OSBPL5: variants seen among roughly 807,000 people sequenced by gnomAD.
The protein encoded by OSBPL5 is oxysterol-binding protein-related protein 5.
A neutral mutation model predicts 111.2 loss-of-function variants in OSBPL5; 71 were observed. The observed-to-expected ratio is 0.64, with a 90% CI of 0.53 to 0.78. The LOEUF (loss-of-function observed/expected upper bound fraction) is 0.78. Among genes scored for constraint, OSBPL5 ranks in the 30% least tolerant of loss-of-function variants. The pLI is 0.00. For synonymous variants in OSBPL5, 549 were observed against 513.9 expected, an observed-to-expected ratio of 1.07 and a Z score of -0.93; for missense variants, 1,210 against 1,189.3, an observed-to-expected ratio of 1.02 and a Z score of -0.26.
chr11:3,108,168 T>C (rs748406851), intron 7 of OSBPL5, among the ~76,000 whole-genome samples: 7 of 152,018 alleles, frequency 4.6e-5, no homozygotes, highest in Non-Finnish European at 5.9e-5. Flanking sequence ...CCCCTGAGGA[T>C]TGAGGACTTC....
intron 1 of OSBPL5, among the ~76,000 whole-genome samples, chr11:3,143,629 C>T (rs543717124): frequency 3.9e-5 from 6 of 152,384 alleles, no homozygotes; most frequent in East Asian, 1.9e-4. Flanking sequence ...TCCGCTTCCA[C>T]GCCCACGCAG....
chr11:3,147,506 G>A (rs1023399801), intron 1 of OSBPL5, among the ~76,000 whole-genome samples: 5 of 152,242 alleles, frequency 3.3e-5, no homozygotes, highest in African/African-American at 7.2e-5. Flanking sequence ...ACATAGCCCC[G>A]TGCAGGCCCA....
At chr11:3,152,574 C>A (rs1846623838) in intron 1 of OSBPL5, among the ~76,000 whole-genome samples, 1 of 152,156 alleles carries the variant, frequency 6.6e-6, no homozygotes, top group African/African-American at 2.4e-5. Context: ...GCAGCGGGGG[C>A]CTGCAGGATT....
chr11:3,097,021 G>GAGGAGAAGAGGAAAGAGGGGGAAGGT (rs1564824559), intron 14 of OSBPL5, among the ~76,000 whole-genome samples: 120 of 10,340 alleles, frequency 0.012, no homozygotes, highest in Non-Finnish European at 0.014. Context: ...AAGACGGGAG[G>GAGGAGAAGAGGAAAGAGGGGGAAGGT]GGGAGGAGAG....
Position 3,149,592 on chromosome 11 carries a change from G to A in OSBPL5, c.-22+15624C>T, listed in dbSNP as rs375866700. ...CAGGCAGCAGCAGCAGCAGGTGCCC[G>A]CTGCAGCCTTGCCCAGGCTCTTTTG... On this transcript the variant is annotated intron_variant, in intron 1 of 21. Coordinates refer to ENST00000263650, the MANE Select transcript of OSBPL5 (RefSeq NM_020896.4). Among the ~76,000 whole-genome samples the A allele has an allele frequency of 2.6e-4, 40 of 152,342 alleles. No homozygotes were observed. The East Asian group carries it at 6.0e-3, about 23-fold the overall frequency.
chr11:3,097,737 T>G (rs947501752), intron 14 of OSBPL5, among the ~76,000 whole-genome samples: 1 of 152,122 alleles, frequency 6.6e-6, no homozygotes, highest in Admixed American at 6.6e-5. Flanking sequence ...GAGAAAGGAT[T>G]GGAAACATGA....
intron 20 of OSBPL5, among the ~76,000 whole-genome samples, chr11:3,090,300 C>T (rs1857011806): frequency 6.6e-6 from 1 of 152,230 alleles, no homozygotes; most frequent in Non-Finnish European, 1.5e-5. Context: ...CTGCCCCTCC[C>T]ACCGCTGGGG....
intron 15 of OSBPL5, 71 bp downstream of exon 15, chr11:3,094,166 A>T: frequency 1.4e-6 from 2 of 1,417,812 alleles, no homozygotes; most frequent in Non-Finnish European, 2.0e-6. Context: ...GCCTGGGGAG[A>T]GTGTGAGGGG....
chr11:3,159,083 G>T (rs549767884), intron 1 of OSBPL5, among the ~76,000 whole-genome samples: 2 of 152,302 alleles, frequency 1.3e-5, no homozygotes, highest in African/African-American at 4.8e-5. Flanking sequence ...CAGATGCTGT[G>T]AGCCCTCGGG....
intron 1 of OSBPL5, among the ~76,000 whole-genome samples, chr11:3,163,180 G>A (rs965906470): frequency 6.6e-6 from 1 of 152,242 alleles, no homozygotes; most frequent in Non-Finnish European, 1.5e-5. Flanking sequence ...TTTCTCAGCT[G>A]CGGTCACAGG....
Position 3,161,213 on chromosome 11 carries a change from G to C in OSBPL5, c.-22+4003C>G, listed in dbSNP as rs1270943433. ...AACTTTCCCCTTCATCCTTGTCTTCGTGTCAGCAGGGTGAGAGGGGATCTA... is the reference window on the plus strand; with the variant it reads ...AACTTTCCCCTTCATCCTTGTCTTCCTGTCAGCAGGGTGAGAGGGGATCTA... On this transcript the variant is annotated intron_variant, in intron 1 of 21. Coordinates refer to ENST00000263650, the MANE Select transcript of OSBPL5 (RefSeq NM_020896.4). This position sits in a 1 kb window ranked among gnomAD's most constrained non-coding sequence, Gnocchi z 8.0. 1 of 152,304 alleles carries C rather than the reference G, an allele frequency of 6.6e-6. No homozygotes were observed. The highest frequency in any genetic ancestry group is 1.9e-4 in the East Asian group (1 of 5,180). The allele number at this position is 152,304 out of a possible 1,614,324, so 9.4% of individuals were successfully genotyped here. A position where few individuals can be genotyped will look rare whatever the true frequency, so the allele number is the denominator to read the frequency against.
At chr11:3,115,150 G>A (rs547959957) in intron 7 of OSBPL5, among the ~76,000 whole-genome samples, 1 of 152,060 alleles carries the variant, frequency 6.6e-6, no homozygotes, top group East Asian at 1.9e-4. Flanking sequence ...TAAAGAAAAT[G>A]TTTTCTTCTA....
chr11:3,126,374 GGCTCA>G lies in OSBPL5; in HGVS notation c.219+94_219+98del, dbSNP rs1858625481. The G allele has an allele frequency of 7.2e-6, 8 of 1,106,368 alleles. No homozygotes were observed. In the East Asian group the frequency reaches 2.2e-4, roughly 31 times the overall value. 68.5% of individuals were successfully genotyped at this position (1,106,368 alleles called of 1,614,324 possible). A position where few individuals can be genotyped will look rare whatever the true frequency, so the allele number is the denominator to read the frequency against. ...TTCCCCCGAACAGGCTGGAATGGCAGGCTCAGCTGGACGCCCTGCTGTCCTTTTCC... is the reference window on the plus strand; with the variant it reads ...TTCCCCCGAACAGGCTGGAATGGCAGGCTGGACGCCCTGCTGTCCTTTTCC... On this transcript the variant is annotated intron_variant, in intron 3 of 21. Coordinates refer to ENST00000263650, the MANE Select transcript of OSBPL5 (RefSeq NM_020896.4). The surrounding 1 kb of genome is among the most constrained non-coding windows in gnomAD (Gnocchi z 6.5).
Position 3,109,150 on chromosome 11 carries a change from T to C in OSBPL5, c.692-1205A>G, listed in dbSNP as rs938085091. On this transcript the variant is annotated intron_variant, in intron 7 of 21. Transcript: ENST00000263650. This position sits in a 1 kb window ranked among gnomAD's most constrained non-coding sequence, Gnocchi z 7.4. Reference sequence around the variant, plus strand: ...TCACCCAGGCTGGAGTGCAGTAGGGTGATCTCAGCTCGCTGCAACCTCTGA... The same window carrying C: ...TCACCCAGGCTGGAGTGCAGTAGGGCGATCTCAGCTCGCTGCAACCTCTGA... 5.3e-5 allele frequency among the ~76,000 whole-genome samples: 8 copies of C among 151,628 alleles called. No homozygotes were observed. The highest frequency in any genetic ancestry group is 1.0e-4 in the Non-Finnish European group (7 of 67,858).
intron 1 of OSBPL5, among the ~76,000 whole-genome samples, chr11:3,131,229 G>A (rs1564849419): frequency 6.6e-6 from 1 of 152,128 alleles, no homozygotes; most frequent in Non-Finnish European, 1.5e-5. Context: ...CAGCCAGTGG[G>A]ACTTCTTAGT....
chr11:3,147,735 T>C (rs10766687), intron 1 of OSBPL5, among the ~76,000 whole-genome samples: 121,358 of 152,220 alleles, frequency 0.8, 48,805 homozygotes, highest in Non-Finnish European at 0.83. Flanking sequence ...CAGGGACGCG[T>C]GGGTGCGTCG....
chr11:3,118,732 C>A (rs893329435), intron 7 of OSBPL5, among the ~76,000 whole-genome samples: 1 of 151,958 alleles, frequency 6.6e-6, no homozygotes, highest in African/African-American at 2.4e-5. Context: ...CCACCATGCC[C>A]AGCTAATTTT....
At chr11:3,091,811 C>T (rs1016635820) in intron 19 of OSBPL5, among the ~76,000 whole-genome samples, 1 of 152,184 alleles carries the variant, frequency 6.6e-6, no homozygotes. Context: ...CTGGCCCAGA[C>T]GGCATCAGCT....
rs1394066806 is a variant in OSBPL5, at chr11:3,107,920, C to T, written c.717G>A (p.Glu239=). ...GTAGGCTAGAGCAGCGCAGGGCCAG[C>T]TCCAGGGCGTCCAGCCAGCAGCGAC... is the stretch of plus-strand genomic sequence containing the variant. ...SDGRCWLDAL[E]LALRCSSLLR... Residue 239 remains glutamate, a synonymous_variant, in exon 8 of 22, where the codon GAG becomes GAA. Transcript: ENST00000263650. The surrounding 1 kb of genome is among the most constrained non-coding windows in gnomAD (Gnocchi z 6.1). 1 of 1,601,124 alleles carries T rather than the reference C, an allele frequency of 6.2e-7. No homozygotes were observed. The highest frequency in any genetic ancestry group is 1.1e-5 in the South Asian group (1 of 91,054).
Sources: gnomAD v4.1 joint callset for allele counts (sites outside exome capture counted in the v4.1 genomes callset) on GRCh38, gnomAD v4.1.1 for gene constraint, Gnocchi (gnomAD v3.1) non-coding constraint, MANE v1.5 for transcripts, NCBI Gene and HGNC (gene_info 2026-07-23, HGNC 2026-07-21) for gene names.